The following CD247 variants were observed in gnomAD, a reference collection of about 807,000 sequenced individuals.
CD247 encodes the protein CD247 molecule, also known as T-cell surface glycoprotein CD3 zeta chain.
In CD247, 13 loss-of-function variants were observed where a neutral mutation model predicts 30.0. That is an observed-to-expected ratio of 0.43 (90% CI 0.28 to 0.69). The LOEUF (loss-of-function observed/expected upper bound fraction) is 0.69. CD247 is among the 30% of genes least tolerant of loss of function. The probability of loss-of-function intolerance (pLI) is 0.16; values close to 1 mark genes in which losing one functional copy is unlikely to be tolerated. For synonymous variants in CD247, 72 were observed against 80.0 expected (o/e 0.90, Z 0.53); for missense variants, 193 against 212.6 (o/e 0.91, Z 0.57).
intron 1 of CD247, among the ~76,000 whole-genome samples, chr1:167,473,746 C>A (rs148348123): frequency 2.6e-3 from 392 of 152,274 alleles, no homozygotes; most frequent in African/African-American, 8.5e-3. Flanking sequence ...TGACTGGAGA[C>A]CCCCCAGACT....
chr1:167,506,867 T>C (rs912688546), intron 1 of CD247, among the ~76,000 whole-genome samples: 14 of 151,564 alleles, frequency 9.2e-5, no homozygotes, highest in Middle Eastern at 6.8e-3. Context: ...CTCCATTAAA[T>C]ATGGCTTATT....
intron 1 of CD247, among the ~76,000 whole-genome samples, chr1:167,442,155 GC>G (rs1651871916): frequency 6.6e-6 from 1 of 152,198 alleles, no homozygotes; most frequent in African/African-American, 2.4e-5. Context: ...GAACATCATT[GC>G]ACTGTGAATG....
intron 1 of CD247, among the ~76,000 whole-genome samples, chr1:167,470,350 G>C (rs1350201417): frequency 6.6e-6 from 1 of 152,058 alleles, no homozygotes; most frequent in Non-Finnish European, 1.5e-5. Context: ...CTTGTCCTAA[G>C]CAGAACTCCT....
intron 1 of CD247, among the ~76,000 whole-genome samples, chr1:167,471,769 T>C (rs1408790128): frequency 4.3e-4 from 65 of 151,966 alleles, no homozygotes; most frequent in Admixed American, 4.3e-3. Flanking sequence ...CACTCGGCTT[T>C]ATTTTTCTTT....
intron 1 of CD247, among the ~76,000 whole-genome samples, chr1:167,453,370 G>A (rs142210402): frequency 5.3e-5 from 8 of 152,140 alleles, no homozygotes; most frequent in East Asian, 1.9e-4. Flanking sequence ...AGGTCTTGCC[G>A]GGCCTTTGTT....
chr1:167,473,630 G>A lies in CD247; in HGVS notation c.59-32863C>T, dbSNP rs1341945023. Among the ~76,000 whole-genome samples, 3 of 152,306 alleles carry A rather than the reference G, an allele frequency of 2.0e-5. No homozygotes were observed. The East Asian group carries it at 5.8e-4, about 29-fold the overall frequency. On this transcript the variant is annotated intron_variant, in intron 1 of 7. Coordinates refer to ENST00000362089, the MANE Select transcript of CD247 (RefSeq NM_198053.3). Reference sequence around the variant, plus strand: ...GGGAGTCCTAGGTCTTTTCTGCTCTGCCACAGGCAAGTCCACGTTCTCTCT... The same window carrying A: ...GGGAGTCCTAGGTCTTTTCTGCTCTACCACAGGCAAGTCCACGTTCTCTCT...
intron 1 of CD247, among the ~76,000 whole-genome samples, chr1:167,506,078 T>C (rs1047682794): frequency 1.3e-5 from 2 of 152,202 alleles, no homozygotes; most frequent in African/African-American, 4.8e-5. Context: ...TCTAGGGCCA[T>C]CATTTCTCCC....
At chr1:167,512,729 C>A (rs1655441696) in intron 1 of CD247, among the ~76,000 whole-genome samples, 2 of 152,052 alleles carry the variant, frequency 1.3e-5, no homozygotes, top group South Asian at 4.1e-4. Flanking sequence ...ACTTCCGAAT[C>A]AGATCTCCAC....
intron 1 of CD247, among the ~76,000 whole-genome samples, chr1:167,459,101 C>G (rs1317641147): frequency 6.7e-6 from 1 of 150,016 alleles, no homozygotes; most frequent in Non-Finnish European, 1.5e-5. Context: ...AGCCACTGCA[C>G]TCCAGCCTTG....
intron 1 of CD247, among the ~76,000 whole-genome samples, chr1:167,482,272 C>T (rs1256714095): frequency 6.6e-6 from 1 of 152,206 alleles, no homozygotes; most frequent in African/African-American, 2.4e-5. Flanking sequence ...CTTTCTGAAC[C>T]TAAAGCTACC....
chr1:167,445,030 A>T (rs540125879), intron 1 of CD247, among the ~76,000 whole-genome samples: 3 of 151,676 alleles, frequency 2.0e-5, no homozygotes, highest in Non-Finnish European at 2.9e-5. Context: ...GGTTCAAGTG[A>T]TTCTCCTGCC....
chr1:167,511,596 A>G (rs1421565231), intron 1 of CD247, among the ~76,000 whole-genome samples: 1 of 152,256 alleles, frequency 6.6e-6, no homozygotes, highest in Non-Finnish European at 1.5e-5. Flanking sequence ...GAAAATGTAT[A>G]TTAAATGAGA....
chr1:167,437,736 A>G (rs1042542758), intron 4 of CD247, among the ~76,000 whole-genome samples: 5 of 152,220 alleles, frequency 3.3e-5, no homozygotes, highest in African/African-American at 1.2e-4. Context: ...TGGGGAGATG[A>G]TAGTCACAGG....
In CD247 at chr1:167,487,608, G is replaced by A. The variant is rs1441470163; in HGVS notation, c.58+30800C>T. Among the ~76,000 whole-genome samples, 4 of 152,208 alleles carry A rather than the reference G, an allele frequency of 2.6e-5. No homozygotes were observed. The East Asian group carries it at 5.8e-4, about 22-fold the overall frequency. On this transcript the variant is annotated intron_variant, in intron 1 of 7. Transcript: ENST00000362089. ...AAAGTAGGCTCCGATCTCAGTCTAT[G>A]AGGCAGGCACAACCCACCATTCCAA... is the stretch of plus-strand genomic sequence containing the variant.
intron 1 of CD247, among the ~76,000 whole-genome samples, chr1:167,478,084 T>C (rs36100277): frequency 0.03 from 4,573 of 152,272 alleles, 96 homozygotes; most frequent in South Asian, 0.09. Context: ...AGGCAAAGAA[T>C]CAAAAGGCCA....
chr1:167,454,300 C>G (rs1342054921), intron 1 of CD247, among the ~76,000 whole-genome samples: 1 of 152,194 alleles, frequency 6.6e-6, no homozygotes, highest in African/African-American at 2.4e-5. Context: ...GAGGGGGAGG[C>G]TGGGTGAATT....
chr1:167,487,795 A>G (rs997034482), intron 1 of CD247, among the ~76,000 whole-genome samples: 1 of 152,208 alleles, frequency 6.6e-6, no homozygotes, highest in Admixed American at 6.5e-5. Context: ...GTGGCACACG[A>G]TCACTGTGCA....
intron 1 of CD247, among the ~76,000 whole-genome samples, chr1:167,499,987 G>T (rs1654838677): frequency 1.3e-5 from 2 of 152,098 alleles, no homozygotes; most frequent in African/African-American, 4.8e-5. Context: ...ACACACAGAG[G>T]GCTTCTCCTC....
chr1:167,478,597 A>G (rs1653850442), intron 1 of CD247, among the ~76,000 whole-genome samples: 2 of 152,238 alleles, frequency 1.3e-5, no homozygotes, highest in Admixed American at 6.5e-5. Flanking sequence ...ACAGGAACGC[A>G]GAGTCTGGAG....
Sources: gnomAD v4.1 joint callset for allele counts (sites outside exome capture counted in the v4.1 genomes callset) on GRCh38, gnomAD v4.1.1 for gene constraint, MANE v1.5 for transcripts, NCBI Gene and HGNC (gene_info 2026-07-23, HGNC 2026-07-21) for gene names.